LRRIQ1: variants seen among roughly 807,000 people sequenced by gnomAD.
LRRIQ1 encodes the protein leucine rich repeats and IQ motif containing 1, also known as leucine-rich repeat- and IQ domain-containing protein 1.
In LRRIQ1, 210 loss-of-function variants were observed where a neutral mutation model predicts 211.9. The observed-to-expected ratio is 0.99, with a 90% CI of 0.89 to 1.11. The LOEUF is 1.11. Ranked by LOEUF, LRRIQ1 falls within the 50% of genes most tolerant of loss-of-function variation. The pLI is 0.00. For synonymous variants in LRRIQ1, 699 were observed against 650.1 expected (o/e 1.08, Z -1.14); for missense variants, 2,136 against 1,939.5 (o/e 1.10, Z -1.90).
At chr12:85,180,064 C>T (rs374581346) in intron 24 of LRRIQ1, among the ~76,000 whole-genome samples, 1 of 152,090 alleles carries the variant, frequency 6.6e-6, no homozygotes. Flanking sequence ...TGCTATTACT[C>T]AAAGTCAGAT....
At chr12:85,132,212 A>AAT (rs1888812965) in intron 18 of LRRIQ1, among the ~76,000 whole-genome samples, 1 of 152,068 alleles carries the variant, frequency 6.6e-6, no homozygotes, top group Admixed American at 6.6e-5. Context: ...GTCTGCACTC[A>AAT]ATCTTGATAT....
intron 11 of LRRIQ1, among the ~76,000 whole-genome samples, chr12:85,094,043 A>G (rs1314260254): frequency 6.6e-6 from 1 of 152,190 alleles, no homozygotes; most frequent in Admixed American, 6.6e-5. Context: ...TACATTTGAG[A>G]CAACTTCAAA....
At chr12:85,066,609 C>T in intron 9 of LRRIQ1, 139 bp from the exon 10 acceptor site, 1 of 469,272 alleles carries the variant, frequency 2.1e-6, no homozygotes, top group Non-Finnish European at 3.5e-6. Context: ...TAACAGTTTG[C>T]AGGGTTATCT....
Position 85,055,835 on chromosome 12 carries a change from G to A in LRRIQ1, c.1042G>A (p.Glu348Lys). The change falls in exon 8 of 27, where the codon GAG (glutamate) becomes AAG (lysine). Residue 348 changes from glutamate to lysine, a missense_variant. Physicochemically the swap from Glu to Lys is moderately conservative, Grantham distance 56 (BLOSUM62 1). Transcript: ENST00000393217. ...RLEEEQRIKE[E>K]RKKQKEEERK... ...AGAGGAGGAACAAAGGATAAAAGAAGAGAGAAAAAAGCAAAAGGAAGAGGA... is the reference window on the plus strand; with the variant it reads ...AGAGGAGGAACAAAGGATAAAAGAAAAGAGAAAAAAGCAAAAGGAAGAGGA... 3 of 1,576,568 alleles carry A rather than the reference G, an allele frequency of 1.9e-6. No individual in the cohort carries two copies. Among genetic ancestry groups the A allele is most frequent in the Admixed American group, 1.8e-5 (1 of 54,380 alleles).
intron 24 of LRRIQ1, among the ~76,000 whole-genome samples, chr12:85,189,803 T>C (rs1892401342): frequency 6.8e-6 from 1 of 146,446 alleles, no homozygotes; most frequent in South Asian, 2.1e-4. Context: ...ATTATATCTG[T>C]AACTGTACAG....
intron 24 of LRRIQ1, among the ~76,000 whole-genome samples, chr12:85,205,946 A>G (rs934530254): frequency 5.9e-5 from 9 of 152,134 alleles, no homozygotes; most frequent in African/African-American, 1.4e-4. Context: ...TTTTATCTCT[A>G]TCATCTCAAT....
chr12:85,124,218 GC>G lies in LRRIQ1; in HGVS notation c.3710del (p.Pro1237LeufsTer41). The G allele has an allele frequency of 6.2e-7, 1 of 1,613,972 alleles. No homozygotes were observed. Among genetic ancestry groups the G allele is most frequent in the Middle Eastern group, 1.6e-4 (1 of 6,062 alleles). On this transcript the variant is annotated frameshift_variant, in exon 17 of 27. Transcript: ENST00000393217. LOFTEE classifies it high-confidence loss of function. ...ATCAGAAGCCCAGAAAAATCATTTG[GC>G]CCCTACAAACAGTGACAGCACTCTG... is the stretch of plus-strand genomic sequence containing the variant. ...DESEAQKNHL[A>X]PTNSDSTLQN... is the part of the protein sequence containing the mutation.
chr12:85,212,759 C>A (rs147412849), intron 24 of LRRIQ1, among the ~76,000 whole-genome samples: 3 of 145,768 alleles, frequency 2.1e-5, no homozygotes, highest in Non-Finnish European at 4.5e-5. Flanking sequence ...ATTTATAATA[C>A]GTATCGAATA....
chr12:85,067,995 A>G (rs1432745339), intron 10 of LRRIQ1, among the ~76,000 whole-genome samples: 2 of 151,922 alleles, frequency 1.3e-5, no homozygotes. Flanking sequence ...TTACTTCTGC[A>G]TTATTGCCAG....
At chr12:85,169,662 C>A in intron 24 of LRRIQ1, among the ~76,000 whole-genome samples, 1 of 152,148 alleles carries the variant, frequency 6.6e-6, no homozygotes, top group East Asian at 1.9e-4. Context: ...GTGTGAGAAC[C>A]TTTCCCTGTA....
chr12:85,266,054 A>G (rs556561785), downstream of LRRIQ1, among the ~76,000 whole-genome samples: 8 of 152,218 alleles, frequency 5.3e-5, no homozygotes, highest in African/African-American at 1.9e-4. Context: ...TAGACCTTAA[A>G]GTGGCATAAT....
intron 11 of LRRIQ1, among the ~76,000 whole-genome samples, chr12:85,078,216 T>G (rs1057419649): frequency 2.0e-5 from 3 of 152,178 alleles, no homozygotes; most frequent in African/African-American, 7.2e-5. Context: ...AATTTATAGT[T>G]TTAAACTCCT....
At chr12:85,159,357 T>C (rs1422256561) in intron 23 of LRRIQ1, among the ~76,000 whole-genome samples, 1 of 152,044 alleles carries the variant, frequency 6.6e-6, no homozygotes, top group Non-Finnish European at 1.5e-5. Context: ...AAGTTTTTTT[T>C]CTAAGAATAT....
intron 26 of LRRIQ1, 81 bp from the exon 27 acceptor site, chr12:85,244,708 T>C: frequency 8.3e-7 from 1 of 1,201,092 alleles, no homozygotes; most frequent in Non-Finnish European, 1.2e-6. Flanking sequence ...CCTGTTTGTT[T>C]ATTTGGGGTA....
At chr12:85,208,681 A>G (rs1266272379) in intron 24 of LRRIQ1, among the ~76,000 whole-genome samples, 3 of 152,188 alleles carry the variant, frequency 2.0e-5, no homozygotes, top group African/African-American at 4.8e-5. Context: ...GAAAACTATT[A>G]TTGATATTAC....
chr12:85,271,319 A>G, the LRRIQ1 span, among the ~76,000 whole-genome samples: 5 of 152,132 alleles, frequency 3.3e-5, no homozygotes, highest in African/African-American at 9.7e-5. Flanking sequence ...GGAATTTTCA[A>G]TGTTAGAAAG....
chr12:85,148,170 A>T lies in LRRIQ1; in HGVS notation c.4330-4110A>T, dbSNP rs540550283. Among the ~76,000 whole-genome samples, 86 of 150,718 alleles carry T rather than the reference A, an allele frequency of 5.7e-4. 1 individual carries two copies. The highest frequency in any genetic ancestry group is 2.8e-3 in the Admixed American group (43 of 15,146). ...GAACAGAAGGCTTTCTTTTTTTTTT[A>T]AATGTATTTATTTATTTTACTTTTA... On this transcript the variant is annotated intron_variant, in intron 19 of 26. Transcript: ENST00000393217.
the LRRIQ1 span, among the ~76,000 whole-genome samples, chr12:85,271,697 TG>T: frequency 6.6e-6 from 1 of 152,140 alleles, no homozygotes; most frequent in Non-Finnish European, 1.5e-5. Flanking sequence ...AACTAAGTCA[TG>T]CTGTAGACTC....
chr12:85,182,639 A>G (rs1892037943), intron 24 of LRRIQ1, among the ~76,000 whole-genome samples: 1 of 152,164 alleles, frequency 6.6e-6, no homozygotes, highest in Non-Finnish European at 1.5e-5. Context: ...CACACAATAG[A>G]GGCCCGCACA....
Sources: allele counts gnomAD v4.1 joint callset (sites outside exome capture counted in the v4.1 genomes callset), GRCh38; gene constraint gnomAD v4.1.1; transcripts MANE v1.5; gene names NCBI Gene and HGNC (gene_info 2026-07-23, HGNC 2026-07-21).